WWTR1: variants seen among roughly 807,000 people sequenced by gnomAD.
The protein encoded by WWTR1 is WW domain-containing transcription regulator protein 1.
A neutral mutation model predicts 40.1 loss-of-function variants in WWTR1; 13 were observed. The ratio of observed to expected loss-of-function variants is 0.32; its 90% CI spans 0.21 to 0.52. The LOEUF (loss-of-function observed/expected upper bound fraction) is 0.52. Among genes scored for constraint, WWTR1 ranks in the 20% least tolerant of loss-of-function variants. The probability of loss-of-function intolerance (pLI) is 0.97; values close to 1 mark genes in which losing one functional copy is unlikely to be tolerated. For synonymous variants in WWTR1, 230 were observed against 210.1 expected (o/e 1.09, Z -0.82); for missense variants, 436 against 523.1 (o/e 0.83, Z 1.63).
At chr3:149,528,116 T>G (rs1735415811) in intron 4 of WWTR1, 147 bp from the exon 5 acceptor site, 2 of 1,051,220 alleles carry the variant, frequency 1.9e-6, no homozygotes, top group Non-Finnish European at 2.7e-6. Context: ...CCATTAGTAT[T>G]CTTTCTCCGA....
chr3:149,668,310 A>G (rs12488292), intron 2 of WWTR1, among the ~76,000 whole-genome samples: 30,035 of 151,912 alleles, frequency 0.2, 3,182 homozygotes, highest in Admixed American at 0.3. Flanking sequence ...CTAAGGATAG[A>G]TTTTTGGGGC....
chr3:149,629,751 T>C (rs1031176001), intron 2 of WWTR1, among the ~76,000 whole-genome samples: 15 of 152,226 alleles, frequency 9.9e-5, no homozygotes, highest in South Asian at 6.2e-4. Context: ...AAACAAAAAA[T>C]CCTTTCATAT....
At chr3:149,708,856 AG>A (rs1244618453) in intron 5 of WWTR1, among the ~76,000 whole-genome samples, 1 of 152,112 alleles carries the variant, frequency 6.6e-6, no homozygotes, top group Admixed American at 6.6e-5. Context: ...ATTATACTGT[AG>A]TTCTATTTTT....
chr3:149,564,141 T>G (rs1737206017), intron 3 of WWTR1, among the ~76,000 whole-genome samples: 1 of 152,176 alleles, frequency 6.6e-6, no homozygotes. Flanking sequence ...CTTTCCAGAT[T>G]CCACCCTACA....
At chr3:149,668,360 A>T (rs569249667) in intron 2 of WWTR1, among the ~76,000 whole-genome samples, 4 of 152,212 alleles carry the variant, frequency 2.6e-5, no homozygotes, top group African/African-American at 9.6e-5. Context: ...TAATCTGAGC[A>T]CTTTGGGAGG....
Position 149,645,089 on chromosome 3 carries a change from T to A in WWTR1, c.431+11787A>T, listed in dbSNP as rs568688488. Among the ~76,000 whole-genome samples, 99 of 149,600 alleles carry A rather than the reference T, an allele frequency of 6.6e-4. No individual in the cohort carries two copies. The Middle Eastern group carries it at 0.017, about 26-fold the overall frequency. ...GCTGCTCTTTTATTTTATTTATTTT[T>A]TTTTTTTTGAGACGGAGTCTCGATC... On this transcript the variant is annotated intron_variant, in intron 2 of 6. Transcript: ENST00000360632.
upstream of WWTR1, chr3:149,658,167 C>G (rs1177224720): frequency 6.5e-6 from 1 of 153,982 alleles, no homozygotes; most frequent in East Asian, 1.9e-4. Context: ...TCCTCCTCCT[C>G]CCACCTCGGC....
intron 3 of WWTR1, among the ~76,000 whole-genome samples, chr3:149,547,655 C>A (rs1214922032): frequency 1.3e-5 from 2 of 152,084 alleles, no homozygotes; most frequent in Admixed American, 6.6e-5. Context: ...CGTTGCCAGT[C>A]CCCCCAGAAA....
intron 1 of WWTR1, among the ~76,000 whole-genome samples, chr3:149,698,402 GT>G (rs1261781820): frequency 6.6e-6 from 1 of 152,190 alleles, no homozygotes; most frequent in African/African-American, 2.4e-5. Context: ...ATGATTGTAA[GT>G]TTCCTGAGGA....
intron 2 of WWTR1, among the ~76,000 whole-genome samples, chr3:149,574,142 C>T (rs1456232357): frequency 6.6e-6 from 1 of 152,008 alleles, no homozygotes; most frequent in Non-Finnish European, 1.5e-5. Flanking sequence ...GCAATCTTCC[C>T]ACCTTGGCCT....
chr3:149,522,903 A>AAAC, intron 6 of WWTR1, among the ~76,000 whole-genome samples: 1 of 151,692 alleles, frequency 6.6e-6, no homozygotes, highest in Admixed American at 6.6e-5. Flanking sequence ...CAAACAAAAA[A>AAAC]ACCCCAAAAA....
At position 149,663,713 on chromosome 3, in the gene WWTR1, T is replaced by C. The variant is rs1713685236; in HGVS notation, c.-4+6075A>G. On this transcript the variant is annotated intron_variant, in intron 2 of 7. Transcript: ENST00000465804. ...TCCATCTTAAAAAAAAATTTTCTTA[T>C]GAAACCGCTCCTAAGAAGGCCACAA... is the stretch of plus-strand genomic sequence containing the variant. Among the ~76,000 whole-genome samples, 3 of 152,036 alleles carry C rather than the reference T, an allele frequency of 2.0e-5. 1 individual carries two copies. The South Asian group carries it at 6.2e-4, about 32-fold the overall frequency.
At chr3:149,720,196 T>G (rs1313148449) in intron 4 of WWTR1, among the ~76,000 whole-genome samples, 1 of 152,216 alleles carries the variant, frequency 6.6e-6, no homozygotes, top group Non-Finnish European at 1.5e-5. Context: ...CACTGCCTAA[T>G]CCCATGTCGT....
intron 3 of WWTR1, among the ~76,000 whole-genome samples, chr3:149,562,805 CA>C (rs142066817): frequency 0.12 from 17,961 of 152,050 alleles, 1,347 homozygotes; most frequent in Middle Eastern, 0.18. Flanking sequence ...TGACCACCAG[CA>C]ACTGCAAAAC....
intron 2 of WWTR1, among the ~76,000 whole-genome samples, chr3:149,647,421 T>C (rs1712595150): frequency 6.6e-6 from 1 of 152,122 alleles, no homozygotes; most frequent in South Asian, 2.1e-4. Flanking sequence ...TGGGCCTAGG[T>C]GGGCCCTGGT....
intron 2 of WWTR1, among the ~76,000 whole-genome samples, chr3:149,648,004 T>A (rs1333598146): frequency 2.6e-5 from 4 of 152,182 alleles, no homozygotes; most frequent in African/African-American, 9.6e-5. Flanking sequence ...AAACACACCC[T>A]CAGCATTTCT....
At position 149,695,795 on chromosome 3, in the gene WWTR1, AT is replaced by A. The variant is rs1202009916; in HGVS notation, c.-108+7328del. On this transcript the variant is annotated intron_variant, in intron 1 of 7. Coordinates refer to the WWTR1 transcript ENST00000465804. ...AAAAACAAGAAAAGAAAAGAAAAAA[AT>A]ATATATATATATATTTAAAAAAGAT... 7.9e-3 allele frequency among the ~76,000 whole-genome samples: 855 copies of A among 108,382 alleles called. 9 individuals carry two copies. Among genetic ancestry groups the A allele is most frequent in the African/African-American group, 0.01 (363 of 35,004 alleles). 71.1% of individuals were successfully genotyped at this position (108,382 alleles called of 152,430 possible).
intron 1 of WWTR1, among the ~76,000 whole-genome samples, chr3:149,691,364 T>C (rs1165825938): frequency 6.7e-6 from 1 of 148,468 alleles, no homozygotes; most frequent in Non-Finnish European, 1.5e-5. Context: ...AAAGGAACAA[T>C]AAAATGAAAA....
At chr3:149,597,501 TA>T (rs2108043187) in intron 2 of WWTR1, among the ~76,000 whole-genome samples, 1 of 151,560 alleles carries the variant, frequency 6.6e-6, no homozygotes, top group Admixed American at 6.6e-5. Context: ...ATTATCTATC[TA>T]GGCGTGGCAG....
Sources: allele counts gnomAD v4.1 joint callset (sites outside exome capture counted in the v4.1 genomes callset), GRCh38; gene constraint gnomAD v4.1.1; transcripts MANE v1.5; gene names NCBI Gene and HGNC (gene_info 2026-07-23, HGNC 2026-07-21).